The following IQSEC2 variants were observed in gnomAD, a reference collection of about 807,000 sequenced individuals.
IQSEC2 encodes IQ motif and Sec7 domain ArfGEF 2.
In IQSEC2, 6 loss-of-function variants were observed where a neutral mutation model predicts 74.6. That is an observed-to-expected ratio of 0.08 (90% CI 0.04 to 0.16). The LOEUF is 0.16. IQSEC2 is among the 10% of genes least tolerant of loss of function. IQSEC2 has a pLI of 1.00. For missense variants in IQSEC2, 734 were observed against 1,306.2 expected (o/e 0.56, Z 6.75); for synonymous variants, 494 against 544.5 (o/e 0.91, Z 1.29).
chrX:53,238,028 G>T, intron 12 of IQSEC2, 117 bp downstream of exon 12: 1 of 831,195 alleles, frequency 1.2e-6, no homozygotes, highest in Non-Finnish European at 1.8e-6. Context: ...TTGAAATGAG[G>T]ATGGGAAGGT....
Position 53,234,306 on chromosome X carries a change from C to A in IQSEC2, c.4380G>T (p.Pro1460=). 1.5e-6 allele frequency: 1 copy of A among 681,158 alleles called. No homozygotes were observed. Among genetic ancestry groups the A allele is most frequent in the Non-Finnish European group, 1.9e-6 (1 of 514,033 alleles). The allele number at this position is 681,158 out of a possible 1,213,427, so 56.1% of individuals were successfully genotyped here. Residue 1460 remains proline, a synonymous_variant, in exon 15 of 15, where the codon CCG becomes CCT. Coordinates refer to ENST00000642864, the MANE Select transcript of IQSEC2 (RefSeq NM_001111125.3). ...TGCCAGGGGGCCCAGAGGCGTGCAG[C>A]GGGCCATGGGGGGAGGTGGGTGGAA... The part of the protein sequence containing the change: ...SPLPPTSPHG[P]LHASGPPGTA...
At chrX:53,298,021 T>C (rs782322652) in intron 1 of IQSEC2, among the ~76,000 whole-genome samples, 16 of 111,732 alleles carry the variant, frequency 1.4e-4, no homozygotes, top group Non-Finnish European at 2.6e-4. Context: ...TCCCAGCTAC[T>C]CGGGAGGCTG....
Position 53,274,812 on chromosome X carries a change from T to C in IQSEC2, c.737+17083A>G, listed in dbSNP as rs782570604. On this transcript the variant is annotated intron_variant, in intron 2 of 14. Coordinates refer to ENST00000642864, the MANE Select transcript of IQSEC2 (RefSeq NM_001111125.3). ...TAGTAAGCTTGGGCATATTTTCTCC[T>C]TTATTAGCTAATTGTCTATTTCTTC... Among the ~76,000 whole-genome samples, 76 of 111,314 alleles carry C rather than the reference T, an allele frequency of 6.8e-4. 1 individual carries two copies. Among genetic ancestry groups the C allele is most frequent in the African/African-American group, 2.4e-3 (75 of 30,642 alleles).
intron 1 of IQSEC2, among the ~76,000 whole-genome samples, chrX:53,315,223 TC>T (rs1407137598): frequency 8.9e-6 from 1 of 111,801 alleles, no homozygotes; most frequent in East Asian, 2.8e-4. Flanking sequence ...AAACCCCGTC[TC>T]TACTAAAAAT....
chrX:53,252,590 T>C (rs1602288078), intron 4 of IQSEC2, among the ~76,000 whole-genome samples: 1 of 110,598 alleles, frequency 9.0e-6, no homozygotes. Flanking sequence ...AACAGCCAAG[T>C]GGGTGAGCTT....
chrX:53,274,448 A>ATTTT (rs2074791409), intron 2 of IQSEC2, among the ~76,000 whole-genome samples: 2 of 28,327 alleles, frequency 7.1e-5, no homozygotes, highest in African/African-American at 2.1e-4. Context: ...CTTTAGTTAC[A>ATTTT]TTTCTTTTTT....
chrX:53,282,397 G>A (rs887670132), intron 2 of IQSEC2, among the ~76,000 whole-genome samples: 6 of 112,670 alleles, frequency 5.3e-5, no homozygotes, highest in Non-Finnish European at 1.1e-4. Flanking sequence ...TCCTCCACAT[G>A]GGCGGGACTG....
chrX:53,287,634 CTG>C, intron 2 of IQSEC2, among the ~76,000 whole-genome samples: 1 of 112,767 alleles, frequency 8.9e-6, no homozygotes, highest in Non-Finnish European at 1.9e-5. Context: ...TCACTGAGCT[CTG>C]TGCAGCCTCC....
Position 53,233,775 on chromosome X carries a change from C to T in IQSEC2, c.*444G>A. The T allele has an allele frequency of 3.4e-6, 1 of 296,812 alleles. No homozygotes were observed. Among genetic ancestry groups the T allele is most frequent in the Non-Finnish European group, 5.9e-6 (1 of 169,968 alleles). 24.5% of individuals were successfully genotyped at this position (296,812 alleles called of 1,213,427 possible). A position where few individuals can be genotyped will look rare whatever the true frequency, so the allele number is the denominator to read the frequency against. On this transcript the variant is annotated 3_prime_UTR_variant, in exon 15 of 15. Coordinates refer to ENST00000642864, the MANE Select transcript of IQSEC2 (RefSeq NM_001111125.3). ...GGCCACAACTCTACAGAGCGCTCTC[C>T]TAGCCCCACACGGCCAGAGGAGCCC...
intron 4 of IQSEC2, among the ~76,000 whole-genome samples, chrX:53,254,053 G>A (rs781987274): frequency 1.3e-4 from 15 of 111,781 alleles, no homozygotes; most frequent in Non-Finnish European, 2.6e-4. Context: ...ATTTCTGGCC[G>A]GGCACAGTGG....
intron 2 of IQSEC2, among the ~76,000 whole-genome samples, chrX:53,288,342 G>A (rs1403210397): frequency 2.7e-5 from 3 of 111,729 alleles, no homozygotes; most frequent in South Asian, 7.5e-4. Flanking sequence ...AGTGGCTCCC[G>A]TTGCCATAGG....
rs1474624067 is a variant in IQSEC2 at position 53,299,080 on chromosome X, T to C, written c.708-7156A>G. On this transcript the variant is annotated intron_variant, in intron 1 of 14. Transcript: ENST00000642864. ...TTTTCTTTCTTTCTCTCTCTCTCTTTTTTTTTTTAGTTTAGAGACAAGGTC... is the reference window on the plus strand; with the variant it reads ...TTTTCTTTCTTTCTCTCTCTCTCTTCTTTTTTTTAGTTTAGAGACAAGGTC... Among the ~76,000 whole-genome samples the C allele has an allele frequency of 1.8e-5, 2 of 110,292 alleles. 1 individual carries two copies. Among genetic ancestry groups the C allele is most frequent in the Admixed American group, 2.0e-4 (2 of 10,209 alleles).
In IQSEC2 at chrX:53,321,037, G is replaced by T; in HGVS notation, c.87C>A (p.Ile29=). 8.7e-7 allele frequency: 1 copy of T among 1,155,747 alleles called. No homozygotes were observed. The highest frequency in any genetic ancestry group is 1.1e-6 in the Non-Finnish European group (1 of 871,318). ...AVEYLLELNN[I]IESQQQLLET... is the part of the protein sequence containing the mutation. ...CCAGCAGCTGCTGCTGGCTCTCGAT[G>T]ATGTTGTTCAGCTCCAGCAGGTACT... Residue 29 remains isoleucine (I), a synonymous_variant, in exon 1 of 15, where the codon ATC becomes ATA. Transcript: ENST00000642864.
At chrX:53,286,499 T>C (rs1556871771) in intron 2 of IQSEC2, among the ~76,000 whole-genome samples, 1 of 111,759 alleles carries the variant, frequency 8.9e-6, no homozygotes, top group African/African-American at 3.2e-5. Flanking sequence ...CTTGCTGCCT[T>C]GTGTTACCAC....
chrX:53,300,173 A>G (rs183751838), intron 1 of IQSEC2, among the ~76,000 whole-genome samples: 9 of 111,884 alleles, frequency 8.0e-5, no homozygotes, highest in Non-Finnish European at 1.5e-4. Context: ...CTCTAAGTAG[A>G]ATAGTTTACT....
chrX:53,268,478 A>G (rs1354484566), intron 2 of IQSEC2, among the ~76,000 whole-genome samples: 3 of 110,262 alleles, frequency 2.7e-5, no homozygotes, highest in Non-Finnish European at 5.7e-5. Flanking sequence ...TTCCTCATCT[A>G]TAAAAACAGA....
intron 12 of IQSEC2, 77 bp downstream of exon 12, chrX:53,238,066 TTC>T: frequency 1.9e-6 from 2 of 1,060,968 alleles, no homozygotes; most frequent in South Asian, 4.0e-5. Flanking sequence ...AACTCTGAGA[TTC>T]TCTGAGGATA....
At chrX:53,256,651 C>T (rs184088053) in intron 2 of IQSEC2, among the ~76,000 whole-genome samples, 1,304 of 112,212 alleles carry the variant, frequency 0.012, 24 homozygotes, top group African/African-American at 0.04. Context: ...TGGCCCCTGC[C>T]CCCTGGTGCC....
rs781957027 is a variant in IQSEC2, at chrX:53,266,349, T to C, written c.738-10288A>G. ...GAGAGAAGAGATCAGCTTTTATTGA[T>C]GGAAATTCCTTTGTACACAGCAACA... On this transcript the variant is annotated intron_variant, in intron 2 of 14. Transcript: ENST00000642864. 4.8e-4 allele frequency: 361 copies of C among 749,135 alleles called. 4 individuals carry two copies. The South Asian group carries it at 0.022, about 45-fold the overall frequency. 61.7% of individuals were successfully genotyped at this position (749,135 alleles called of 1,213,427 possible).
Sources: gnomAD v4.1 joint callset for allele counts (sites outside exome capture counted in the v4.1 genomes callset) on GRCh38, gnomAD v4.1.1 for gene constraint, MANE v1.5 for transcripts, NCBI Gene and HGNC (gene_info 2026-07-23, HGNC 2026-07-21) for gene names.